The following SIPA1L3 variants were observed in gnomAD, a reference collection of about 807,000 sequenced individuals.
SIPA1L3 encodes the protein signal-induced proliferation-associated 1-like protein 3.
A neutral mutation model predicts 150.1 loss-of-function variants in SIPA1L3; 59 were observed. The observed-to-expected ratio is 0.39, with a 90% CI of 0.32 to 0.49. SIPA1L3 has a LOEUF of 0.49. Among genes scored for constraint, SIPA1L3 ranks in the 20% least tolerant of loss-of-function variants. The pLI is 0.86. For synonymous variants in SIPA1L3, 1,070 were observed against 1,077.6 expected, an observed-to-expected ratio of 0.99 and a Z score of 0.14; for missense variants, 2,211 against 2,489.5, an observed-to-expected ratio of 0.89 and a Z score of 2.38.
At chr19:37,971,709 C>A (rs748535923) in intron 1 of SIPA1L3, among the ~76,000 whole-genome samples, 8 of 151,960 alleles carry the variant, frequency 5.3e-5, no homozygotes, top group African/African-American at 1.9e-4. Context: ...GGATTACAGG[C>A]GTGTGACACC....
intron 1 of SIPA1L3, among the ~76,000 whole-genome samples, chr19:37,985,225 T>G (rs1277372179): frequency 4.0e-5 from 6 of 151,120 alleles, no homozygotes; most frequent in African/African-American, 1.5e-4. Flanking sequence ...AGTGTGGGTC[T>G]CTCTCTGGTT....
intron 2 of SIPA1L3, among the ~76,000 whole-genome samples, chr19:38,039,386 C>CGGGGGGTGG (rs1350169298): frequency 6.1e-5 from 1 of 16,396 alleles, no homozygotes; most frequent in Non-Finnish European, 9.2e-5. Flanking sequence ...AGTTTGCCAG[C>CGGGGGGTGG]GGGGGGTGGG....
chr19:37,945,573 G>A (rs575231448), intron 1 of SIPA1L3, among the ~76,000 whole-genome samples: 4 of 151,962 alleles, frequency 2.6e-5, no homozygotes, highest in South Asian at 2.1e-4. Context: ...TGTGAGTACC[G>A]CAGTTTGTTT....
rs368765009 is a variant in SIPA1L3 at position 38,142,728 on chromosome 19, C to T, written c.3533+18C>T. The T allele has an allele frequency of 6.2e-7, 1 of 1,607,110 alleles. No individual in the cohort carries two copies. The highest frequency in any genetic ancestry group is 8.5e-7 in the Non-Finnish European group (1 of 1,175,296). ...CCAGAAAGGTCAGCCTCCCTCAATT[C>T]TTTTCATGTTAAGGGATCTGATGAA... On this transcript the variant is annotated intron_variant, in intron 12 of 21. Transcript: ENST00000222345.
rs1568566370 is a variant in SIPA1L3, at chr19:38,130,507, A to G, written c.2878A>G (p.Ser960Gly). Residue 960 changes from serine to glycine, a missense_variant, in exon 10 of 22, where the codon AGT becomes GGT. By Grantham distance (56) the Ser-to-Gly change is moderately conservative. Coordinates refer to ENST00000222345, the MANE Select transcript of SIPA1L3 (RefSeq NM_015073.3). ...TGCCTGTGGCCTGCAGGTGATGACCAGTGGCTGGGAGACGGTGGACATGAC... is the reference window on the plus strand; with the variant it reads ...TGCCTGTGGCCTGCAGGTGATGACCGGTGGCTGGGAGACGGTGGACATGAC... ...EIVQRLKVMT[S>G]GWETVDMTLR... is the part of the protein sequence containing the mutation. The G allele has an allele frequency of 2.5e-6, 4 of 1,611,226 alleles. No individual in the cohort carries two copies. Among genetic ancestry groups the G allele is most frequent in the East Asian group, 2.2e-5 (1 of 44,856 alleles).
At chr19:38,118,947 C>T (rs892557224) in intron 8 of SIPA1L3, among the ~76,000 whole-genome samples, 11 of 152,158 alleles carry the variant, frequency 7.2e-5, no homozygotes, top group African/African-American at 2.4e-4. Flanking sequence ...GTAATCCCAA[C>T]ACTTTGGGAA....
At chr19:38,138,025 G>A (rs1971475365) in intron 10 of SIPA1L3, among the ~76,000 whole-genome samples, 2 of 152,094 alleles carry the variant, frequency 1.3e-5, no homozygotes, top group South Asian at 4.2e-4. Context: ...CAGCTACTCA[G>A]GAGGCTGAGG....
At chr19:38,190,375 CTT>C (rs1972781194) in intron 16 of SIPA1L3, among the ~76,000 whole-genome samples, 2 of 152,178 alleles carry the variant, frequency 1.3e-5, no homozygotes, top group African/African-American at 4.8e-5. Context: ...CTATTTCTCT[CTT>C]TTGAATCTAA....
chr19:38,030,208 C>T lies in SIPA1L3; in HGVS notation c.-311+1052C>T, dbSNP rs1355462312. 5.3e-5 allele frequency among the ~76,000 whole-genome samples: 8 copies of T among 152,040 alleles called. No individual in the cohort carries two copies. The East Asian group carries it at 1.2e-3, about 22-fold the overall frequency. ...GTAGACAGTTGTGAAACTGCCACCA[C>T]GATCAAGATTCAGAGCAGCCCCACC... On this transcript the variant is annotated intron_variant, in intron 2 of 21. Transcript: ENST00000222345.
chr19:38,197,797 C>T (rs1972994343), intron 18 of SIPA1L3, among the ~76,000 whole-genome samples: 1 of 152,144 alleles, frequency 6.6e-6, no homozygotes, highest in South Asian at 2.1e-4. Flanking sequence ...CGGCCCCACC[C>T]TGGTCCTGCC....
intron 1 of SIPA1L3, among the ~76,000 whole-genome samples, chr19:37,966,804 G>A (rs2046907952): frequency 6.6e-6 from 1 of 152,202 alleles, no homozygotes; most frequent in Admixed American, 6.5e-5. Flanking sequence ...AGTCTGGCAG[G>A]TGGAAAACAG....
At chr19:37,983,051 A>G (rs1445445256) in intron 1 of SIPA1L3, among the ~76,000 whole-genome samples, 2 of 152,196 alleles carry the variant, frequency 1.3e-5, no homozygotes, top group East Asian at 1.9e-4. Context: ...TAGTTGATCT[A>G]TGCAAAATGT....
At chr19:37,968,779 A>G (rs1452982665) in intron 1 of SIPA1L3, among the ~76,000 whole-genome samples, 2 of 152,180 alleles carry the variant, frequency 1.3e-5, no homozygotes, top group Non-Finnish European at 2.9e-5. Flanking sequence ...GGAAAAAGAG[A>G]GAGTGAGTTC....
At chr19:37,943,516 C>T (rs2046681207) in intron 1 of SIPA1L3, among the ~76,000 whole-genome samples, 1 of 152,316 alleles carries the variant, frequency 6.6e-6, no homozygotes. Flanking sequence ...GATTCCAACA[C>T]ACCTTTTATG....
intron 15 of SIPA1L3, among the ~76,000 whole-genome samples, chr19:38,176,641 A>T (rs1972440939): frequency 6.6e-6 from 1 of 152,024 alleles, no homozygotes; most frequent in Non-Finnish European, 1.5e-5. Context: ...TCCTCCAGAG[A>T]TTTTTCTCTA....
intron 1 of SIPA1L3, among the ~76,000 whole-genome samples, chr19:37,928,297 G>A (rs1047528076): frequency 6.6e-6 from 1 of 152,152 alleles, no homozygotes; most frequent in Admixed American, 6.6e-5. Context: ...AAGACCAGGT[G>A]TGGTGGCTCA....
At chr19:37,994,857 G>A (rs1277147693) in intron 1 of SIPA1L3, among the ~76,000 whole-genome samples, 3 of 152,192 alleles carry the variant, frequency 2.0e-5, no homozygotes, top group African/African-American at 7.2e-5. Flanking sequence ...CAGTAGAGAC[G>A]CCCCATTGCA....
intron 10 of SIPA1L3, among the ~76,000 whole-genome samples, chr19:38,131,127 C>T (rs1388116425): frequency 1.3e-5 from 2 of 152,188 alleles, no homozygotes; most frequent in African/African-American, 4.8e-5. Flanking sequence ...GTTTATTGAG[C>T]CCCTACTGTG....
intron 1 of SIPA1L3, among the ~76,000 whole-genome samples, chr19:37,979,297 C>T (rs1415023374): frequency 1.3e-5 from 2 of 152,134 alleles, no homozygotes; most frequent in South Asian, 2.1e-4. Flanking sequence ...GCCTGTAATC[C>T]CAGCACTTTG....
Sources: allele counts gnomAD v4.1 joint callset (sites outside exome capture counted in the v4.1 genomes callset), GRCh38; gene constraint gnomAD v4.1.1; transcripts MANE v1.5; gene names NCBI Gene and HGNC (gene_info 2026-07-23, HGNC 2026-07-21).